PTDSS2: variants seen among roughly 807,000 people sequenced by gnomAD.
The protein encoded by PTDSS2 is PSS-2.
Under a neutral mutation model 64.7 loss-of-function variants are expected in PTDSS2, and 41 were observed. The ratio of observed to expected loss-of-function variants is 0.63; its 90% CI spans 0.49 to 0.82. The LOEUF is 0.82. Among genes scored for constraint, PTDSS2 ranks in the 40% least tolerant of loss-of-function variants. PTDSS2 has a pLI of 0.00. For synonymous variants in PTDSS2, 297 were observed against 277.8 expected (o/e 1.07, Z -0.69); for missense variants, 485 against 650.0 (o/e 0.75, Z 2.76).
At position 456,170 on chromosome 11, in the gene PTDSS2, CTTTTTTTTTTTTTTT is replaced by C. The variant is rs71022912; in HGVS notation, c.183-4011_183-3997del. On this transcript the variant is annotated intron_variant, in intron 1 of 11. Transcript: ENST00000308020. ...TTCTTTCTTTCTGTTTTCTTTCATT[CTTTTTTTTTTTTTTT>C]TTTTTGAGACAGAATCTCACTCTGT... 3.5e-5 allele frequency among the ~76,000 whole-genome samples: 4 copies of C among 114,878 alleles called. No individual in the cohort carries two copies. The East Asian group carries it at 9.1e-4, about 26-fold the overall frequency. 75.4% of individuals were successfully genotyped at this position (114,878 alleles called of 152,430 possible).
intron 2 of PTDSS2, chr11:463,574 T>A (rs1284455400): frequency 2.0e-5 from 3 of 151,502 alleles, no homozygotes; most frequent in Non-Finnish European, 4.4e-5. Flanking sequence ...TCAGACAGAC[T>A]CTCGCTCTGT....
intron 1 of PTDSS2, chr11:451,404 C>T (rs1026984154): frequency 4.5e-6 from 2 of 448,924 alleles, no homozygotes; most frequent in Admixed American, 2.4e-5. Context: ...TGGGCTGGCC[C>T]TTTGCCGATG....
At position 479,442 on chromosome 11, in the gene PTDSS2, A is replaced by G; in HGVS notation, c.435+290A>G. The G allele has an allele frequency of 3.9e-6, 2 of 512,534 alleles. No individual in the cohort carries two copies. The highest frequency in any genetic ancestry group is 7.1e-6 in the Non-Finnish European group (2 of 283,156). 31.7% of individuals were successfully genotyped at this position (512,534 alleles called of 1,614,324 possible). On this transcript the variant is annotated intron_variant, in intron 4 of 11. Transcript: ENST00000308020. The surrounding 1 kb of genome is among the most constrained non-coding windows in gnomAD (Gnocchi z 4.2). ...GTGGCCATTTAGCAGGGCCACACTTAAGGAGGGCAGGGCCAGTGGTGCAGG... is the reference window on the plus strand; with the variant it reads ...GTGGCCATTTAGCAGGGCCACACTTGAGGAGGGCAGGGCCAGTGGTGCAGG...
Position 490,771 on chromosome 11 carries a change from CGT to C in PTDSS2, c.*194_*195del. On this transcript the variant is annotated 3_prime_UTR_variant, in exon 12 of 12. Coordinates refer to ENST00000308020, the MANE Select transcript of PTDSS2 (RefSeq NM_030783.3). The stretch of plus-strand genomic sequence containing the variant: ...GCACAGCCTCATCTCCATGTGTACA[CGT>C]GTGTACGTGTGTATGCGTGTGTGTA... The C allele has an allele frequency of 1.7e-6, 1 of 597,010 alleles. No individual in the cohort carries two copies. Among genetic ancestry groups the C allele is most frequent in the Non-Finnish European group, 2.9e-6 (1 of 341,058 alleles). 37.0% of individuals were successfully genotyped at this position (597,010 alleles called of 1,614,324 possible).
chr11:450,228 C>T (rs1207907110), upstream of PTDSS2: 3 of 368,994 alleles, frequency 8.1e-6, no homozygotes, highest in South Asian at 1.5e-4. Flanking sequence ...GCGTCCAACC[C>T]GCGACGTCGG....
Position 470,261 on chromosome 11 carries a change from C to CGG in PTDSS2, c.285-3631_285-3630dup, listed in dbSNP as rs1847361348. Among the ~76,000 whole-genome samples, 1 of 152,184 alleles carries CGG rather than the reference C, an allele frequency of 6.6e-6. No homozygotes were observed. Among genetic ancestry groups the CGG allele is most frequent in the Admixed American group, 6.5e-5 (1 of 15,276 alleles). On this transcript the variant is annotated intron_variant, in intron 2 of 11. Transcript: ENST00000308020. The surrounding 1 kb of genome is among the most constrained non-coding windows in gnomAD (Gnocchi z 5.3). Reference sequence around the variant, plus strand: ...CTGGTCATGTTCATGGCGTGGCCGACGGGGAGGCTGCTGCCCCATCCTCCC... The same window carrying CGG: ...CTGGTCATGTTCATGGCGTGGCCGACGGGGGGAGGCTGCTGCCCCATCCTCCC...
intron 4 of PTDSS2, among the ~76,000 whole-genome samples, chr11:486,142 G>A (rs926131137): frequency 6.6e-6 from 1 of 152,222 alleles, no homozygotes; most frequent in African/African-American, 2.4e-5. Context: ...GTCTGTAAAT[G>A]ATGTAAACCT....
chr11:487,646 C>T (rs1291998885), intron 6 of PTDSS2, among the ~76,000 whole-genome samples, 176 bp downstream of exon 6: 1 of 152,164 alleles, frequency 6.6e-6, no homozygotes, highest in African/African-American at 2.4e-5. Context: ...TCCCAGAAGC[C>T]CTGATCCTGG....
At chr11:454,775 C>T (rs571704691) in intron 1 of PTDSS2, among the ~76,000 whole-genome samples, 54 of 152,258 alleles carry the variant, frequency 3.5e-4, no homozygotes, top group African/African-American at 1.2e-3. Context: ...GGTGACAGAG[C>T]AAGACTCCAT....
intron 1 of PTDSS2, among the ~76,000 whole-genome samples, chr11:450,931 G>T (rs1245176340): frequency 7.3e-6 from 1 of 137,150 alleles, no homozygotes; most frequent in Non-Finnish European, 1.6e-5. Flanking sequence ...TGCCCGCCTT[G>T]GCTCTGACCG....
At position 481,837 on chromosome 11, in the gene PTDSS2, A is replaced by G. The variant is rs191564659; in HGVS notation, c.435+2685A>G. 1.6e-4 allele frequency among the ~76,000 whole-genome samples: 23 copies of G among 145,124 alleles called. No homozygotes were observed. In the East Asian group the frequency reaches 3.8e-3, roughly 24 times the overall value. The stretch of plus-strand genomic sequence containing the variant: ...TTCCTTTCCAATCTAGATGTCTTTT[A>G]TTTCTTTTCTTTTTTTTTTTTTTAG... On this transcript the variant is annotated intron_variant, in intron 4 of 11. Coordinates refer to ENST00000308020, the MANE Select transcript of PTDSS2 (RefSeq NM_030783.3).
chr11:477,710 G>T (rs948871782), intron 3 of PTDSS2, among the ~76,000 whole-genome samples: 1 of 152,224 alleles, frequency 6.6e-6, no homozygotes, highest in Non-Finnish European at 1.5e-5. Context: ...TGTCCCCTCA[G>T]AGAGCGCCTG....
rs753388541 is a variant in PTDSS2, at chr11:489,466, G to A, written c.921G>A (p.Pro307=). The A allele has an allele frequency of 1.1e-5, 18 of 1,612,956 alleles. No individual in the cohort carries two copies. The highest frequency in any genetic ancestry group is 4.5e-5 in the East Asian group (2 of 44,874). The change falls in exon 9 of 12, where the codon CCG becomes CCA. Residue 307 remains proline (P), a synonymous_variant. Coordinates refer to ENST00000308020, the MANE Select transcript of PTDSS2 (RefSeq NM_030783.3). ...GCTGGGTTCGCTTCGAGTGGAAGCC[G>A]GCCTCCAGCCTGCGTCGCTGGCTGG... The part of the protein sequence containing the change: ...PYSWVRFEWK[P]ASSLRRWLAV...
rs976831476 is a variant in PTDSS2 at position 476,208 on chromosome 11, T to C, written c.367+2231T>C. ...TGTGTGGGAAGGGCCCAGGGCCCTG[T>C]CTGCCCAGCCGGCTGAGCACAGACG... On this transcript the variant is annotated intron_variant, in intron 3 of 11. Transcript: ENST00000308020. This position sits in a 1 kb window ranked among gnomAD's most constrained non-coding sequence, Gnocchi z 4.9. 3.3e-5 allele frequency among the ~76,000 whole-genome samples: 5 copies of C among 152,320 alleles called. No individual in the cohort carries two copies. Among genetic ancestry groups the C allele is most frequent in the East Asian group, 3.9e-4 (2 of 5,188 alleles).
chr11:454,990 G>A (rs917237552), intron 1 of PTDSS2, among the ~76,000 whole-genome samples: 1 of 151,180 alleles, frequency 6.6e-6, no homozygotes, highest in East Asian at 1.9e-4. Flanking sequence ...AGGCACGTCC[G>A]AGGGTCAGGG....
chr11:483,386 G>A (rs955075257), intron 4 of PTDSS2, among the ~76,000 whole-genome samples: 1 of 151,218 alleles, frequency 6.6e-6, no homozygotes, highest in Admixed American at 6.6e-5. Flanking sequence ...TCTCCCTACC[G>A]AGTGGAGAAG....
intron 1 of PTDSS2, among the ~76,000 whole-genome samples, chr11:452,714 A>T (rs77646266): frequency 0.012 from 1,826 of 152,124 alleles, 43 homozygotes; most frequent in African/African-American, 0.042. Flanking sequence ...TTCCCTGTGC[A>T]GAGGAAGGAG....
chr11:477,745 C>A (rs1231291356), intron 3 of PTDSS2, among the ~76,000 whole-genome samples: 1 of 152,258 alleles, frequency 6.6e-6, no homozygotes, highest in Non-Finnish European at 1.5e-5. Context: ...GCTCCGAAGG[C>A]GTCCCCTTCA....
At chr11:484,820 CCGTG>C (rs1300659766) in intron 4 of PTDSS2, among the ~76,000 whole-genome samples, 5 of 129,228 alleles carry the variant, frequency 3.9e-5, no homozygotes, top group South Asian at 2.6e-4. Context: ...CGTGTGCTCA[CCGTG>C]TGCGCAGGCG....
Sources: allele counts gnomAD v4.1 joint callset (sites outside exome capture counted in the v4.1 genomes callset), GRCh38; gene constraint gnomAD v4.1.1; non-coding constraint Gnocchi (gnomAD v3.1); transcripts MANE v1.5; gene names NCBI Gene and HGNC (gene_info 2026-07-23, HGNC 2026-07-21).